The following ZC3H3 variants were observed in gnomAD, a reference collection of about 807,000 sequenced individuals.
ZC3H3 encodes zinc finger CCCH-type containing 3.
A neutral mutation model predicts 77.3 loss-of-function variants in ZC3H3; 36 were observed. That is an observed-to-expected ratio of 0.47 (90% confidence interval 0.36 to 0.61). ZC3H3 has a LOEUF of 0.61. Ranked by LOEUF, ZC3H3 falls within the 20% of genes least tolerant of loss-of-function variation. ZC3H3 has a pLI of 0.00. For synonymous variants in ZC3H3, 626 were observed against 555.2 expected (o/e 1.13, Z -1.79); for missense variants, 1,331 against 1,312.2 (o/e 1.01, Z -0.22).
intron 9 of ZC3H3, among the ~76,000 whole-genome samples, chr8:143,453,258 GT>G (rs1323319350): frequency 4.9e-5 from 1 of 20,566 alleles, no homozygotes; most frequent in African/African-American, 2.2e-4. Context: ...TTGTTTTTTT[GT>G]TTTTTTTTTT....
rs917033748 is a variant in ZC3H3 at position 143,515,811 on chromosome 8, T to C, written c.1562-7912A>G. On this transcript the variant is annotated intron_variant, in intron 3 of 11. Coordinates refer to ENST00000262577, the MANE Select transcript of ZC3H3 (RefSeq NM_015117.3). ...GGCCAAGGAGCCTTCGCAGGTGCCT[T>C]TGGAAGGGATGGAGACTGGACACAC... Among the ~76,000 whole-genome samples the C allele has an allele frequency of 7.2e-5, 11 of 152,198 alleles. No homozygotes were observed. In the East Asian group the frequency reaches 1.9e-3, roughly 27 times the overall value.
At chr8:143,504,968 G>C (rs1031804262) in intron 4 of ZC3H3, among the ~76,000 whole-genome samples, 1 of 152,250 alleles carries the variant, frequency 6.6e-6, no homozygotes, top group South Asian at 2.1e-4. Flanking sequence ...GAGGGCAAGA[G>C]GCCTAGATGA....
At position 143,494,042 on chromosome 8, in the gene ZC3H3, A is replaced by C. The variant is rs1821277930; in HGVS notation, c.1715+13704T>G. Among the ~76,000 whole-genome samples, 1 of 152,148 alleles carries C rather than the reference A, an allele frequency of 6.6e-6. No individual in the cohort carries two copies. The highest frequency in any genetic ancestry group is 1.5e-5 in the Non-Finnish European group (1 of 68,026). ...GTTCCCATAAAATAAAACTCTAAAA[A>C]ACCTGCCGGAGTCCTGCCTCAGCAG... On this transcript the variant is annotated intron_variant, in intron 4 of 11. Transcript: ENST00000262577. This position sits in a 1 kb window ranked among gnomAD's most constrained non-coding sequence, Gnocchi z 5.3.
chr8:143,519,411 G>T (rs568845036), intron 3 of ZC3H3, among the ~76,000 whole-genome samples: 2 of 152,150 alleles, frequency 1.3e-5, no homozygotes, highest in Non-Finnish European at 2.9e-5. Context: ...CCTGGGGTTG[G>T]GAGCTCATCT....
At chr8:143,521,503 C>T (rs1347288307) in intron 3 of ZC3H3, among the ~76,000 whole-genome samples, 1 of 152,204 alleles carries the variant, frequency 6.6e-6, no homozygotes, top group East Asian at 1.9e-4. Context: ...AGCTCCGGGC[C>T]TCCTGCACAT....
intron 9 of ZC3H3, among the ~76,000 whole-genome samples, chr8:143,456,157 A>G (rs765283305): frequency 7.9e-5 from 12 of 152,142 alleles, no homozygotes; most frequent in Admixed American, 1.3e-4. Context: ...ATAAAGATCT[A>G]TATTGAAAAA....
chr8:143,471,475 T>C (rs1406176096), intron 5 of ZC3H3, among the ~76,000 whole-genome samples: 1 of 152,154 alleles, frequency 6.6e-6, no homozygotes, highest in African/African-American at 2.4e-5. Context: ...GCTGGGGGCT[T>C]TGGGGACACA....
At chr8:143,445,157 G>A (rs952623160) in intron 9 of ZC3H3, among the ~76,000 whole-genome samples, 7 of 152,134 alleles carry the variant, frequency 4.6e-5, no homozygotes, top group East Asian at 1.9e-4. Flanking sequence ...CAAGGCAGGC[G>A]GATCACCTTA....
rs564543819 is a variant in ZC3H3, at chr8:143,443,798, C to T, written c.2308-2678G>A. Among the ~76,000 whole-genome samples, 55 of 152,296 alleles carry T rather than the reference C, an allele frequency of 3.6e-4. No homozygotes were observed. The South Asian group carries it at 8.5e-3, about 23-fold the overall frequency. On this transcript the variant is annotated intron_variant, in intron 9 of 11. Coordinates refer to ENST00000262577, the MANE Select transcript of ZC3H3 (RefSeq NM_015117.3). ...GCTGCAGATGATGAAAGACACCGCA[C>T]GCTGTGGTAACAAACGTCATGCCAG...
intron 4 of ZC3H3, among the ~76,000 whole-genome samples, chr8:143,484,083 G>A (rs550502261): frequency 3.3e-5 from 5 of 152,240 alleles, no homozygotes; most frequent in Non-Finnish European, 7.3e-5. Context: ...CTTAGGGACA[G>A]CAGCCTTGTT....
chr8:143,534,834 G>A (rs893856965), intron 3 of ZC3H3, among the ~76,000 whole-genome samples: 3 of 152,036 alleles, frequency 2.0e-5, no homozygotes, highest in Non-Finnish European at 4.4e-5. Context: ...AGCAGGTGTC[G>A]GCTAACGGGG....
intron 3 of ZC3H3, among the ~76,000 whole-genome samples, chr8:143,508,212 C>T (rs1436939453): frequency 6.6e-6 from 1 of 152,194 alleles, no homozygotes; most frequent in African/African-American, 2.4e-5. Flanking sequence ...GTCTGGCAGC[C>T]GGGGATGCCT....
At chr8:143,517,145 C>T (rs551917773) in intron 3 of ZC3H3, among the ~76,000 whole-genome samples, 3 of 152,342 alleles carry the variant, frequency 2.0e-5, no homozygotes, top group South Asian at 2.1e-4. Flanking sequence ...TGCTAGTTCC[C>T]GTTAATTATT....
chr8:143,525,757 G>A (rs1822392435), intron 3 of ZC3H3, among the ~76,000 whole-genome samples: 1 of 152,266 alleles, frequency 6.6e-6, no homozygotes, highest in East Asian at 1.9e-4. Flanking sequence ...CAGCACCCAC[G>A]CAGTGACCAG....
At chr8:143,469,832 G>A (rs1018474616) in intron 5 of ZC3H3, among the ~76,000 whole-genome samples, 3 of 152,212 alleles carry the variant, frequency 2.0e-5, no homozygotes, top group East Asian at 3.8e-4. Flanking sequence ...TCAAATACGC[G>A]CATGATCCTT....
rs376589488 is a variant in ZC3H3 at position 143,538,403 on chromosome 8, G to A, written c.964C>T (p.Arg322Trp). ...KWVAASSKSP[R>W]VARRALSPRV... Reference sequence around the variant, plus strand: ...GGACTGAGGGCCCTCCGAGCAACCCGGGGACTCTTCGAGGAGGCAGCCACC... The same window carrying A: ...GGACTGAGGGCCCTCCGAGCAACCCAGGGACTCTTCGAGGAGGCAGCCACC... The change falls in exon 2 of 12, where the codon CGG (arginine) becomes TGG (tryptophan). Residue 322 changes from arginine (R) to tryptophan (W), a missense_variant. By Grantham distance (101) the Arg-to-Trp change is moderately radical. Around this residue, in one of 3 missense-constraint regions of ZC3H3, gnomAD observed 978 missense variants for 915.5 expected, o/e 1.07. Transcript: ENST00000262577. The A allele has an allele frequency of 8.0e-5, 129 of 1,613,136 alleles. No homozygotes were observed. The highest frequency in any genetic ancestry group is 1.0e-4 in the Non-Finnish European group (121 of 1,180,046).
chr8:143,496,332 T>C (rs1821350443), intron 4 of ZC3H3, among the ~76,000 whole-genome samples: 1 of 152,172 alleles, frequency 6.6e-6, no homozygotes, highest in South Asian at 2.1e-4. Context: ...CGAGAGCCAC[T>C]GCCCCCCAAG....
chr8:143,440,424 G>C (rs1449580079), intron 10 of ZC3H3, 61 bp from the exon 11 acceptor site: 11 of 1,483,020 alleles, frequency 7.4e-6, no homozygotes, highest in Non-Finnish European at 8.9e-6. Context: ...CCCAGCGACA[G>C]ACTGCCCATG....
intron 9 of ZC3H3, among the ~76,000 whole-genome samples, chr8:143,456,360 T>C (rs1291692451): frequency 2.0e-5 from 3 of 152,150 alleles, no homozygotes; most frequent in Non-Finnish European, 2.9e-5. Flanking sequence ...AAGACAGAGA[T>C]TGGCAGAGTG....
Sources: gnomAD v4.1 joint callset for allele counts (sites outside exome capture counted in the v4.1 genomes callset) on GRCh38, gnomAD v4.1.1 for gene constraint, gnomAD v4.1.1 regional missense constraint, Gnocchi (gnomAD v3.1) non-coding constraint, MANE v1.5 for transcripts, NCBI Gene and HGNC (gene_info 2026-07-23, HGNC 2026-07-21) for gene names.